The following TENM3 variants were observed in gnomAD, a reference collection of about 807,000 sequenced individuals.
The protein encoded by TENM3 is teneurin-3.
TENM3 carries 63 observed loss-of-function variants against 255.1 expected under a neutral mutation model. The ratio of observed to expected loss-of-function variants is 0.25; its 90% CI spans 0.20 to 0.30. The LOEUF (loss-of-function observed/expected upper bound fraction) is 0.30, where lower values mean the gene tolerates loss of function less well. Ranked by LOEUF, TENM3 falls within the 10% of genes least tolerant of loss-of-function variation. The pLI, the probability that TENM3 is intolerant of heterozygous loss-of-function variation, is 1.00. For synonymous variants in TENM3, 1,306 were observed against 1,322.3 expected, an observed-to-expected ratio of 0.99 and a Z score of 0.27; for missense variants, 2,929 against 3,461.1, an observed-to-expected ratio of 0.85 and a Z score of 3.86.
At chr4:181,680,462 G>A in the TENM3 span, among the ~76,000 whole-genome samples, 11 of 152,066 alleles carry the variant, frequency 7.2e-5, no homozygotes, top group East Asian at 9.6e-4. Flanking sequence ...ACTACAGGTC[G>A]ATAGACAGAG....
At chr4:182,702,452 G>T (rs1757946858) in intron 12 of TENM3, among the ~76,000 whole-genome samples, 1 of 152,066 alleles carries the variant, frequency 6.6e-6, no homozygotes, top group Non-Finnish European at 1.5e-5. Context: ...TTTCTTCATA[G>T]TCACTTAAAA....
the TENM3 span, among the ~76,000 whole-genome samples, chr4:181,765,869 G>A: frequency 1.3e-5 from 2 of 152,178 alleles, no homozygotes; most frequent in Non-Finnish European, 2.9e-5. Context: ...ATACAGTGTG[G>A]AAGAGGCACT....
chr4:182,172,461 G>C (rs1752171416), intron 1 of TENM3, among the ~76,000 whole-genome samples: 2 of 152,132 alleles, frequency 1.3e-5, no homozygotes, highest in Admixed American at 6.6e-5. Flanking sequence ...CCTTTGTTTA[G>C]TACTCAACCT....
the TENM3 span, among the ~76,000 whole-genome samples, chr4:182,128,682 T>A: frequency 6.6e-6 from 1 of 152,206 alleles, no homozygotes; most frequent in Non-Finnish European, 1.5e-5. Flanking sequence ...GTTAGTAAAT[T>A]TGAGAATTTT....
intron 1 of TENM3, 37 bp from the exon 2 acceptor site, chr4:182,323,909 G>C (rs527543015): frequency 5.1e-5 from 44 of 859,144 alleles, no homozygotes; most frequent in East Asian, 1.1e-4. Context: ...TTAGGTGAAC[G>C]TCATGCTGAC....
At chr4:182,775,937 T>C (rs1170389634) in intron 24 of TENM3, among the ~76,000 whole-genome samples, 4 of 151,192 alleles carry the variant, frequency 2.6e-5, no homozygotes, top group African/African-American at 9.8e-5. Context: ...CATAACAAGA[T>C]AGATAGGAGA....
intron 3 of TENM3, among the ~76,000 whole-genome samples, chr4:182,417,139 A>C (rs147198308): frequency 6.6e-6 from 1 of 151,716 alleles, no homozygotes; most frequent in African/African-American, 2.4e-5. Flanking sequence ...ACGCCCAGCT[A>C]ATTTTTTTTT....
the TENM3 span, among the ~76,000 whole-genome samples, chr4:182,014,859 G>C: frequency 6.6e-6 from 1 of 152,078 alleles, no homozygotes; most frequent in Admixed American, 6.5e-5. Context: ...ATTTCCAACC[G>C]ACATGCAGAG....
the TENM3 span, among the ~76,000 whole-genome samples, chr4:181,986,181 A>G: frequency 6.6e-6 from 1 of 152,080 alleles, no homozygotes; most frequent in African/African-American, 2.4e-5. Context: ...TCAACTTCCT[A>G]TCGCACTGAC....
chr4:182,297,356 T>C (rs927211426), intron 1 of TENM3, among the ~76,000 whole-genome samples: 2 of 152,264 alleles, frequency 1.3e-5, no homozygotes, highest in African/African-American at 4.8e-5. Flanking sequence ...AAATAATTTA[T>C]ACAATTATTC....
At chr4:182,267,261 T>C (rs982405290) in intron 1 of TENM3, among the ~76,000 whole-genome samples, 21 of 152,204 alleles carry the variant, frequency 1.4e-4, no homozygotes, top group Admixed American at 1.4e-3. Context: ...CATATTTATT[T>C]CTCTCTACCT....
the TENM3 span, among the ~76,000 whole-genome samples, chr4:181,807,619 C>T: frequency 6.6e-6 from 1 of 152,184 alleles, no homozygotes. Context: ...TCCCAAAGTG[C>T]TGGAATTGCA....
chr4:181,700,299 T>C, the TENM3 span, among the ~76,000 whole-genome samples: 1 of 152,156 alleles, frequency 6.6e-6, no homozygotes, highest in African/African-American at 2.4e-5. Context: ...TATGTAATTT[T>C]TTGCTTCTCA....
chr4:181,902,539 T>G, the TENM3 span, among the ~76,000 whole-genome samples: 2 of 152,146 alleles, frequency 1.3e-5, no homozygotes, highest in African/African-American at 2.4e-5. Context: ...CCATCAATGA[T>G]AGACTGGATA....
chr4:181,771,562 T>C, the TENM3 span, among the ~76,000 whole-genome samples: 5 of 152,234 alleles, frequency 3.3e-5, no homozygotes, highest in African/African-American at 1.2e-4. Context: ...GAAACAATTC[T>C]GTCTTGTCCT....
rs187491817 is a variant in TENM3, at chr4:182,791,276, A to G, written c.5602-998A>G. On this transcript the variant is annotated intron_variant, in intron 25 of 27. Coordinates refer to ENST00000511685, the MANE Select transcript of TENM3 (RefSeq NM_001080477.4). ...TGAAGTCAGGCAAAGGAGAAGTCCC[A>G]GCAGGGCTCCCAAGCTCCACATCCT... Among the ~76,000 whole-genome samples the G allele has an allele frequency of 5.2e-3, 789 of 152,354 alleles. 5 individuals are homozygous for G. Among genetic ancestry groups the G allele is most frequent in the African/African-American group, 0.018 (737 of 41,582 alleles).
At chr4:182,751,581 C>A (rs1388907942) in intron 19 of TENM3, among the ~76,000 whole-genome samples, 1 of 152,126 alleles carries the variant, frequency 6.6e-6, no homozygotes, top group Admixed American at 6.5e-5. Context: ...GAATCCTCAG[C>A]GTCAGGCAAG....
chr4:182,306,951 C>G (rs987166717), intron 1 of TENM3, among the ~76,000 whole-genome samples: 3 of 152,184 alleles, frequency 2.0e-5, no homozygotes, highest in Non-Finnish European at 2.9e-5. Context: ...AGTTAACACT[C>G]TGTAACATGA....
At position 182,488,388 on chromosome 4, in the gene TENM3, A is replaced by AG. The variant is rs1462118841; in HGVS notation, c.512-112531dup. ...GTTCTTTTAGATGGTGTCACTGAGG[A>AG]GGGGGAGATGAGTGACTAAATATAG... On this transcript the variant is annotated intron_variant, in intron 3 of 27. Coordinates refer to ENST00000511685, the MANE Select transcript of TENM3 (RefSeq NM_001080477.4). Among the ~76,000 whole-genome samples the AG allele has an allele frequency of 2.0e-5, 3 of 152,160 alleles. 1 individual carries two copies. The East Asian group carries it at 5.8e-4, about 29-fold the overall frequency.
Sources: allele counts gnomAD v4.1 joint callset (sites outside exome capture counted in the v4.1 genomes callset), GRCh38; gene constraint gnomAD v4.1.1; transcripts MANE v1.5; gene names NCBI Gene and HGNC (gene_info 2026-07-23, HGNC 2026-07-21).